CDK19: variants seen among roughly 807,000 people sequenced by gnomAD.
The protein encoded by CDK19 is cyclin dependent kinase 19, also known as cyclin-dependent kinase 19.
CDK19 carries 20 observed loss-of-function variants against 68.3 expected under a neutral mutation model. That is an observed-to-expected ratio of 0.29 (90% CI 0.21 to 0.43). The LOEUF (loss-of-function observed/expected upper bound fraction) is 0.43, where lower values mean the gene tolerates loss of function less well. Ranked by LOEUF, CDK19 falls within the 20% of genes least tolerant of loss-of-function variation. The pLI is 1.00. For missense variants in CDK19, 339 were observed against 623.5 expected (o/e 0.54, Z 4.86); for synonymous variants, 221 against 222.8 (o/e 0.99, Z 0.07).
At chr6:110,745,249 A>T (rs1268981827) in intron 2 of CDK19, among the ~76,000 whole-genome samples, 3 of 152,176 alleles carry the variant, frequency 2.0e-5, no homozygotes, top group African/African-American at 7.2e-5. Context: ...AAGTGAATTA[A>T]TACTTGAAAC....
intron 4 of CDK19, among the ~76,000 whole-genome samples, chr6:110,651,448 A>G (rs1780967528): frequency 6.6e-6 from 1 of 152,184 alleles, no homozygotes; most frequent in African/African-American, 2.4e-5. Context: ...ATAATAAAAA[A>G]TAGGCCGGGC....
At chr6:110,620,381 CA>C (rs1300244432) in intron 12 of CDK19, among the ~76,000 whole-genome samples, 1 of 140,934 alleles carries the variant, frequency 7.1e-6, no homozygotes, top group East Asian at 2.0e-4. Context: ...AAACTTAAAA[CA>C]AACAAAAAAA....
intron 1 of CDK19, 21 bp downstream of exon 1, chr6:110,814,988 T>C (rs757782152): frequency 1.2e-6 from 2 of 1,600,092 alleles, no homozygotes; most frequent in East Asian, 2.3e-5. Context: ...GCGAGCCTAC[T>C]CCTCCCGCCC....
intron 2 of CDK19, among the ~76,000 whole-genome samples, chr6:110,721,135 G>T (rs1271912969): frequency 6.6e-6 from 1 of 152,086 alleles, no homozygotes; most frequent in Non-Finnish European, 1.5e-5. Context: ...AGCTACTCAG[G>T]AGGCTGAGGC....
intron 1 of CDK19, among the ~76,000 whole-genome samples, chr6:110,808,731 A>G (rs1039615952): frequency 6.6e-5 from 10 of 152,220 alleles, no homozygotes; most frequent in African/African-American, 2.4e-4. Context: ...ATAAACCCAT[A>G]AAACCAAAAT....
At chr6:110,809,642 T>C (rs1782929327) in intron 1 of CDK19, among the ~76,000 whole-genome samples, 1 of 152,258 alleles carries the variant, frequency 6.6e-6, no homozygotes, top group African/African-American at 2.4e-5. Context: ...TATTTCAGGC[T>C]TTCAAAGCAA....
intron 2 of CDK19, among the ~76,000 whole-genome samples, chr6:110,728,228 C>T (rs369188020): frequency 1.1e-4 from 17 of 148,580 alleles, no homozygotes; most frequent in African/African-American, 4.0e-4. Context: ...GCGGAGGTTG[C>T]AGTGAGCTGA....
chr6:110,635,865 C>T (rs536391714), intron 5 of CDK19, among the ~76,000 whole-genome samples: 1 of 152,142 alleles, frequency 6.6e-6, no homozygotes, highest in African/African-American at 2.4e-5. Flanking sequence ...AAGCAAAAAA[C>T]AACACTGTAT....
chr6:110,662,750 T>C (rs1781695189), intron 4 of CDK19, among the ~76,000 whole-genome samples: 1 of 152,222 alleles, frequency 6.6e-6, no homozygotes, highest in Non-Finnish European at 1.5e-5. Flanking sequence ...CTTAGCTATA[T>C]CCTGCTATAA....
chr6:110,657,965 A>C (rs1216487127), intron 4 of CDK19, among the ~76,000 whole-genome samples: 1 of 152,160 alleles, frequency 6.6e-6, no homozygotes, highest in Admixed American at 6.6e-5. Context: ...GAAAGCTCCA[A>C]CTACAGGGCT....
intron 2 of CDK19, among the ~76,000 whole-genome samples, chr6:110,699,194 G>T (rs1032746967): frequency 5.9e-5 from 9 of 152,094 alleles, no homozygotes; most frequent in African/African-American, 2.2e-4. Flanking sequence ...GGAGGCCAAG[G>T]CAGGTGGATC....
chr6:110,685,367 C>G (rs73526504), intron 2 of CDK19, among the ~76,000 whole-genome samples: 1 of 152,072 alleles, frequency 6.6e-6, no homozygotes, highest in Admixed American at 6.5e-5. Context: ...TTTATCACTT[C>G]TTCTAAGAGG....
At chr6:110,761,484 C>A (rs531550588) in intron 1 of CDK19, among the ~76,000 whole-genome samples, 11 of 152,214 alleles carry the variant, frequency 7.2e-5, no homozygotes, top group African/African-American at 2.6e-4. Context: ...CTAGCTCGGG[C>A]AATGGGTGAT....
chr6:110,654,255 A>G (rs1440505619), intron 4 of CDK19, among the ~76,000 whole-genome samples: 2 of 152,218 alleles, frequency 1.3e-5, no homozygotes, highest in African/African-American at 2.4e-5. Context: ...CCCTGAACAA[A>G]TAAGATTCTG....
intron 5 of CDK19, among the ~76,000 whole-genome samples, chr6:110,637,921 T>C (rs1249274400): frequency 6.6e-6 from 1 of 152,186 alleles, no homozygotes; most frequent in African/African-American, 2.4e-5. Context: ...AGGCGGAGGT[T>C]GCAGTGAGCC....
At chr6:110,713,619 A>G (rs1219178926) in intron 2 of CDK19, among the ~76,000 whole-genome samples, 4 of 152,050 alleles carry the variant, frequency 2.6e-5, no homozygotes, top group Admixed American at 2.6e-4. Flanking sequence ...TGATTTCTAT[A>G]TATTTTCACC....
Position 110,733,186 on chromosome 6 carries a change from T to C in CDK19, c.204+12940A>G, listed in dbSNP as rs77984745. ...TTTCTGTCTGCTCTTAAATTTCATA[T>C]AAATAAAACCATACCCATATGTGTT... On this transcript the variant is annotated intron_variant, in intron 2 of 12. Transcript: ENST00000368911. 0.022 allele frequency among the ~76,000 whole-genome samples: 3,313 copies of C among 152,318 alleles called. 365 individuals are homozygous for C. In the East Asian group the frequency reaches 0.35, roughly 16 times the overall value.
intron 6 of CDK19, among the ~76,000 whole-genome samples, chr6:110,628,638 T>TG (rs201692142): frequency 0.012 from 1,768 of 152,278 alleles, 36 homozygotes; most frequent in African/African-American, 0.041. Flanking sequence ...AGGCATCCCC[T>TG]GGGGGGGTCT....
chr6:110,643,355 C>G, intron 4 of CDK19: 2 of 408,360 alleles, frequency 4.9e-6, no homozygotes, highest in Non-Finnish European at 9.3e-6. Flanking sequence ...AAAGCTGAGT[C>G]AACTATGGTA....
Sources: allele counts gnomAD v4.1 joint callset (sites outside exome capture counted in the v4.1 genomes callset), GRCh38; gene constraint gnomAD v4.1.1; transcripts MANE v1.5; gene names NCBI Gene and HGNC (gene_info 2026-07-23, HGNC 2026-07-21).